TAOK1: variants seen among roughly 807,000 people sequenced by gnomAD.
TAOK1 encodes TAO kinase 1, also known as serine/threonine-protein kinase TAO1.
Under a neutral mutation model 138.3 loss-of-function variants are expected in TAOK1, and 21 were observed. The ratio of observed to expected loss-of-function variants is 0.15; its 90% CI spans 0.11 to 0.22. The LOEUF is 0.22. Among genes scored for constraint, TAOK1 ranks in the 10% least tolerant of loss-of-function variants. The pLI is 1.00. For synonymous variants in TAOK1, 361 were observed against 398.4 expected (o/e 0.91, Z 1.12); for missense variants, 651 against 1,227.7 (o/e 0.53, Z 7.02).
At chr17:29,522,159 G>T in intron 16 of TAOK1, 121 bp from the exon 17 acceptor site, 1 of 1,281,116 alleles carries the variant, frequency 7.8e-7, no homozygotes. Context: ...TATTTACTAT[G>T]CAACTATAAT....
At chr17:29,522,806 G>A (rs2031941325) in intron 17 of TAOK1, among the ~76,000 whole-genome samples, 1 of 152,126 alleles carries the variant, frequency 6.6e-6, no homozygotes, top group Non-Finnish European at 1.5e-5. Context: ...AGGGTGCAGT[G>A]GCTCACGCCT....
At position 29,508,021 on chromosome 17, in the gene TAOK1, G is replaced by A. The variant is rs751654887; in HGVS notation, c.1464G>A (p.Glu488=). ...LMTLENKLKA[E]MDEHRLRLDK... is the part of the protein sequence containing the mutation. The stretch of plus-strand genomic sequence containing the variant: ...CTCTGGAAAACAAGCTAAAGGCTGA[G>A]ATGGATGAACATCGCCTCAGATTAG... Residue 488 remains glutamate (E), a synonymous_variant, in exon 14 of 20, where the codon GAG becomes GAA. Coordinates refer to ENST00000261716, the MANE Select transcript of TAOK1 (RefSeq NM_020791.4). The A allele has an allele frequency of 6.2e-6, 10 of 1,614,008 alleles. No individual in the cohort carries two copies. In the East Asian group the frequency reaches 2.2e-4, roughly 36 times the overall value.
chr17:29,491,616 T>A (rs1276172029), intron 9 of TAOK1, among the ~76,000 whole-genome samples, 168 bp from the exon 10 acceptor site: 1 of 152,166 alleles, frequency 6.6e-6, no homozygotes, highest in East Asian at 1.9e-4. Flanking sequence ...CATTCATTGG[T>A]TGCTTTAGAT....
At chr17:29,425,370 G>A (rs1352679516) in intron 1 of TAOK1, among the ~76,000 whole-genome samples, 3 of 151,904 alleles carry the variant, frequency 2.0e-5, no homozygotes, top group Admixed American at 1.3e-4. Flanking sequence ...ACTGTGTCCG[G>A]CCCATTTTTG....
At chr17:29,478,635 A>G (rs1049409944) in intron 6 of TAOK1, among the ~76,000 whole-genome samples, 2 of 152,192 alleles carry the variant, frequency 1.3e-5, no homozygotes, top group South Asian at 2.1e-4. Context: ...GCAAACTGGA[A>G]TGGGCATTAG....
intron 18 of TAOK1, among the ~76,000 whole-genome samples, chr17:29,532,781 A>G (rs866928851): frequency 4.0e-5 from 6 of 151,812 alleles, no homozygotes; most frequent in Admixed American, 6.6e-5. Flanking sequence ...CGATTTCTCA[A>G]TCTTTTCCCT....
chr17:29,480,653 G>A (rs1351829580), intron 7 of TAOK1, among the ~76,000 whole-genome samples, 172 bp downstream of exon 7: 1 of 152,048 alleles, frequency 6.6e-6, no homozygotes, highest in East Asian at 1.9e-4. Flanking sequence ...CAGATCACTT[G>A]AGGTCAGGAG....
At chr17:29,511,249 T>C (rs1404561069) in intron 15 of TAOK1, 2 of 173,466 alleles carry the variant, frequency 1.2e-5, no homozygotes, top group African/African-American at 4.8e-5. Flanking sequence ...TATTTATTTT[T>C]GAGACAAAGA....
chr17:29,430,332 C>T (rs1905785383), intron 1 of TAOK1, among the ~76,000 whole-genome samples: 1 of 152,164 alleles, frequency 6.6e-6, no homozygotes, highest in Admixed American at 6.6e-5. Context: ...CCTCATGTAA[C>T]TGAAGGGTAG....
chr17:29,522,389 T>C lies in TAOK1; in HGVS notation c.2018T>C (p.Met673Thr), dbSNP rs751856245. 58 of 1,614,064 alleles carry C rather than the reference T, an allele frequency of 3.6e-5. No homozygotes were observed. The highest frequency in any genetic ancestry group is 4.7e-5 in the Non-Finnish European group (56 of 1,180,048). Reference protein sequence around the residue: ...EFRHLNTIQKMRCELIRLQHQ... With the variant: ...EFRHLNTIQKTRCELIRLQHQ... ...CGCCACCTCAACACAATTCAGAAGA[T>C]GCGCTGTGAGTTGATCAGATTACAG... Residue 673 changes from methionine (M) to threonine (T), a missense_variant, in exon 17 of 20, where the codon ATG (methionine) becomes ACG (threonine). Met to Thr is a moderately conservative substitution (Grantham distance 81). Coordinates refer to ENST00000261716, the MANE Select transcript of TAOK1 (RefSeq NM_020791.4).
At chr17:29,431,795 C>G (rs995600105) in intron 1 of TAOK1, among the ~76,000 whole-genome samples, 4 of 145,958 alleles carry the variant, frequency 2.7e-5, no homozygotes, top group Non-Finnish European at 5.9e-5. Flanking sequence ...CACCACCATG[C>G]CTGGCTAATT....
chr17:29,404,835 T>C (rs1426283102), intron 1 of TAOK1, among the ~76,000 whole-genome samples: 2 of 152,224 alleles, frequency 1.3e-5, no homozygotes, highest in Non-Finnish European at 2.9e-5. Flanking sequence ...TTTGACAATA[T>C]GTTAAAATAC....
chr17:29,418,489 G>A (rs955055041), intron 1 of TAOK1, among the ~76,000 whole-genome samples: 28 of 152,124 alleles, frequency 1.8e-4, no homozygotes, highest in African/African-American at 5.8e-4. Context: ...ACAGGTGTGA[G>A]CCACTGCACC....
intron 1 of TAOK1, among the ~76,000 whole-genome samples, chr17:29,427,486 C>T (rs1206032296): frequency 1.4e-5 from 2 of 144,296 alleles, no homozygotes; most frequent in Non-Finnish European, 3.0e-5. Flanking sequence ...GTCCCAGCTA[C>T]TTGGGAGGCT....
chr17:29,452,191 G>A (rs763132071), intron 2 of TAOK1, among the ~76,000 whole-genome samples: 6 of 151,770 alleles, frequency 4.0e-5, no homozygotes, highest in African/African-American at 1.2e-4. Context: ...ATTTCAGCCT[G>A]GGCAACAGAG....
intron 1 of TAOK1, among the ~76,000 whole-genome samples, chr17:29,391,529 C>T (rs1056797472): frequency 1.3e-5 from 2 of 152,206 alleles, no homozygotes; most frequent in African/African-American, 4.8e-5. Context: ...CTCTAGTCTA[C>T]TGCAATGCTG....
chr17:29,402,525 G>A (rs916461236), intron 1 of TAOK1, among the ~76,000 whole-genome samples: 1 of 151,942 alleles, frequency 6.6e-6, no homozygotes, highest in African/African-American at 2.4e-5. Flanking sequence ...AGCTGGTCTC[G>A]AACTCCTGAG....
At chr17:29,430,926 G>A (rs1476292791) in intron 1 of TAOK1, among the ~76,000 whole-genome samples, 1 of 152,126 alleles carries the variant, frequency 6.6e-6, no homozygotes, top group Non-Finnish European at 1.5e-5. Context: ...GAACTTTGCT[G>A]CATGATCATC....
At chr17:29,471,426 C>T (rs7207802) in intron 3 of TAOK1, among the ~76,000 whole-genome samples, 1,961 of 150,320 alleles carry the variant, frequency 0.013, 45 homozygotes, top group African/African-American at 0.044. Flanking sequence ...TACAGGTGCC[C>T]GCTACCACGC....
Sources: allele counts gnomAD v4.1 joint callset (sites outside exome capture counted in the v4.1 genomes callset), GRCh38; gene constraint gnomAD v4.1.1; transcripts MANE v1.5; gene names NCBI Gene and HGNC (gene_info 2026-07-23, HGNC 2026-07-21).